Variants in PCDH15 observed in about 807,000 individuals in gnomAD.
PCDH15 encodes protocadherin-15.
In PCDH15, 129 loss-of-function variants were observed where a neutral mutation model predicts 178.5. The ratio of observed to expected loss-of-function variants is 0.72; its 90% CI spans 0.63 to 0.84. PCDH15 has a LOEUF of 0.84. PCDH15 is among the 40% of genes least tolerant of loss of function. PCDH15 has a pLI of 0.00. For missense variants in PCDH15, 2,230 were observed against 2,099.9 expected (o/e 1.06, Z -1.21); for synonymous variants, 800 against 732.0 (o/e 1.09, Z -1.50).
intron 3 of PCDH15, among the ~76,000 whole-genome samples, chr10:54,384,267 G>A (rs181512544): frequency 4.7e-4 from 72 of 151,792 alleles, no homozygotes; most frequent in African/African-American, 1.4e-3. Context: ...CAAATTTTGG[G>A]TTTTTCTTCC....
intron 21 of PCDH15, among the ~76,000 whole-genome samples, chr10:53,966,961 T>C (rs1224543029): frequency 6.6e-6 from 1 of 152,090 alleles, no homozygotes; most frequent in Non-Finnish European, 1.5e-5. Context: ...TGATGTGCAG[T>C]GGCATGATTA....
intron 16 of PCDH15, among the ~76,000 whole-genome samples, chr10:54,087,368 A>T (rs2094531302): frequency 6.6e-6 from 1 of 152,204 alleles, no homozygotes. Context: ...TGTGCCTATT[A>T]TGAAAATTTT....
intron 2 of PCDH15, among the ~76,000 whole-genome samples, chr10:55,424,730 T>G (rs1838710053): frequency 6.6e-6 from 1 of 151,996 alleles, no homozygotes; most frequent in Admixed American, 6.6e-5. Context: ...AATGCTTATA[T>G]AAGAAAAAAG....
chr10:55,076,430 G>GT (rs35278239), intron 2 of PCDH15, among the ~76,000 whole-genome samples: 7,821 of 138,832 alleles, frequency 0.056, 274 homozygotes, highest in South Asian at 0.11. Flanking sequence ...CTCTTGCTGT[G>GT]TTTTTTTTTT....
At chr10:54,632,600 C>T (rs1405110658) in intron 2 of PCDH15, among the ~76,000 whole-genome samples, 1 of 151,826 alleles carries the variant, frequency 6.6e-6, no homozygotes. Context: ...TAAAATTACC[C>T]CTGCTAAAAT....
chr10:55,284,344 C>A (rs191389075), intron 1 of PCDH15, among the ~76,000 whole-genome samples: 18 of 152,106 alleles, frequency 1.2e-4, no homozygotes, highest in African/African-American at 3.1e-4. Flanking sequence ...AGAGTAAGTT[C>A]TCAACAGGAA....
intron 1 of PCDH15, among the ~76,000 whole-genome samples, chr10:55,266,333 C>A (rs1842293925): frequency 1.3e-5 from 2 of 152,104 alleles, no homozygotes; most frequent in Admixed American, 1.3e-4. Flanking sequence ...GCTGTTCTCC[C>A]CAAAACAACA....
chr10:54,425,020 A>AAG (rs1956096239), intron 3 of PCDH15, among the ~76,000 whole-genome samples: 1 of 151,798 alleles, frequency 6.6e-6, no homozygotes, highest in East Asian at 1.9e-4. Flanking sequence ...AAAAAAAAAA[A>AAG]AAAAGAAAAG....
chr10:54,774,057 C>T (rs1949416417), intron 1 of PCDH15, among the ~76,000 whole-genome samples: 1 of 104,566 alleles, frequency 9.6e-6, no homozygotes. Flanking sequence ...GAGACGGAGT[C>T]TCGCTCTGTC....
At chr10:55,276,763 A>T (rs1312451741) in intron 1 of PCDH15, among the ~76,000 whole-genome samples, 1 of 151,722 alleles carries the variant, frequency 6.6e-6, no homozygotes, top group Non-Finnish European at 1.5e-5. Flanking sequence ...ATAAAATTGG[A>T]CGCATTATTT....
chr10:54,363,725 A>T (rs565339173), intron 5 of PCDH15, among the ~76,000 whole-genome samples: 9 of 152,272 alleles, frequency 5.9e-5, no homozygotes, highest in African/African-American at 2.2e-4. Context: ...TCTACCAACA[A>T]TGTATGAAAG....
At chr10:54,001,834 C>T (rs2092152027) in intron 20 of PCDH15, among the ~76,000 whole-genome samples, 1 of 151,874 alleles carries the variant, frequency 6.6e-6, no homozygotes, top group Non-Finnish European at 1.5e-5. Context: ...AAGAAACACA[C>T]TTCACCTATA....
chr10:54,598,206 A>ATGAACT (rs1394066033), intron 2 of PCDH15, among the ~76,000 whole-genome samples: 1 of 152,112 alleles, frequency 6.6e-6, no homozygotes, highest in Non-Finnish European at 1.5e-5. Context: ...AATATACTTG[A>ATGAACT]TGAACTTTGA....
At chr10:53,878,691 C>T (rs146907740) in intron 26 of PCDH15, among the ~76,000 whole-genome samples, 270 of 151,646 alleles carry the variant, frequency 1.8e-3, no homozygotes, top group African/African-American at 6.2e-3. Flanking sequence ...TATTATGACA[C>T]GTTTTAATTT....
At chr10:55,283,390 G>A (rs1055473951) in intron 1 of PCDH15, among the ~76,000 whole-genome samples, 2 of 151,822 alleles carry the variant, frequency 1.3e-5, no homozygotes, top group African/African-American at 4.8e-5. Flanking sequence ...CTGAATTCGT[G>A]GGGAGACTGA....
rs547347206 is a variant in PCDH15, at chr10:53,820,217, A to T, written c.4381T>A (p.Trp1461Arg). 119 of 397,960 alleles carry T rather than the reference A, an allele frequency of 3.0e-4. 1 individual carries two copies. Among genetic ancestry groups the T allele is most frequent in the African/African-American group, 2.4e-3 (118 of 48,732 alleles). 24.7% of individuals were successfully genotyped at this position (397,960 alleles called of 1,614,324 possible). ...LGDSSIWSFCWQLVICMRTCA... is the reference protein window; with the variant it reads ...LGDSSIWSFCRQLVICMRTCA... Reference sequence around the variant, plus strand: ...GTTCTCATGCATATGACCAGCTGCCAACAAAAACTCCAACTGAAGTTTTTC... The same window carrying T: ...GTTCTCATGCATATGACCAGCTGCCTACAAAAACTCCAACTGAAGTTTTTC... Residue 1461 changes from tryptophan (W) to arginine (R), a missense_variant, in exon 33 of 38, where the codon TGG (tryptophan) becomes AGG (arginine). Physicochemically the swap from Trp to Arg is moderately radical, Grantham distance 101 (BLOSUM62 -3). Coordinates refer to ENST00000644397, the MANE Select transcript of PCDH15 (RefSeq NM_001384140.1).
intron 2 of PCDH15, among the ~76,000 whole-genome samples, chr10:55,007,328 T>C (rs965614434): frequency 6.6e-6 from 1 of 152,212 alleles, no homozygotes; most frequent in Non-Finnish European, 1.5e-5. Context: ...AACAGCATTA[T>C]TTGCTAATTT....
intron 28 of PCDH15, among the ~76,000 whole-genome samples, chr10:53,852,294 T>C (rs911747749): frequency 1.5e-4 from 23 of 151,998 alleles, no homozygotes; most frequent in African/African-American, 5.6e-4. Flanking sequence ...AAAAAGTAAT[T>C]TAAAAAACCA....
chr10:55,608,148 A>G (rs899524187), intron 2 of PCDH15, among the ~76,000 whole-genome samples: 5 of 152,018 alleles, frequency 3.3e-5, no homozygotes, highest in African/African-American at 9.7e-5. Flanking sequence ...GACTGATAAG[A>G]GAATAAAAAC....
Sources: allele counts gnomAD v4.1 joint callset (sites outside exome capture counted in the v4.1 genomes callset), GRCh38; gene constraint gnomAD v4.1.1; transcripts MANE v1.5; gene names NCBI Gene and HGNC (gene_info 2026-07-23, HGNC 2026-07-21).